Variants in CCDC102A observed in about 807,000 individuals in gnomAD.
CCDC102A encodes coiled-coil domain-containing protein 102A.
In CCDC102A, 40 loss-of-function variants were observed where a neutral mutation model predicts 55.5. That is an observed-to-expected ratio of 0.72 (90% CI 0.56 to 0.94). CCDC102A has a LOEUF of 0.94. CCDC102A is among the 40% of genes least tolerant of loss of function. The pLI is 0.00. For synonymous variants in CCDC102A, 323 were observed against 339.0 expected (o/e 0.95, Z 0.52); for missense variants, 779 against 768.6 (o/e 1.01, Z -0.16).
chr16:57,523,882 C>T (rs2032091348), intron 3 of CCDC102A, among the ~76,000 whole-genome samples: 1 of 152,186 alleles, frequency 6.6e-6, no homozygotes, highest in South Asian at 2.1e-4. Context: ...GAGTGTTCCA[C>T]TCTCAGAGAG....
intron 1 of CCDC102A, among the ~76,000 whole-genome samples, chr16:57,531,235 C>T (rs563465638): frequency 1.8e-4 from 27 of 152,064 alleles, no homozygotes; most frequent in African/African-American, 5.8e-4. Context: ...CCATTCCCCC[C>T]GTGACCAGCT....
rs1276675689 is a variant in CCDC102A, at chr16:57,512,525, C to T, written c.*216G>A. On this transcript the variant is annotated 3_prime_UTR_variant, in exon 9 of 9. Coordinates refer to ENST00000258214, the MANE Select transcript of CCDC102A (RefSeq NM_033212.4). The stretch of plus-strand genomic sequence containing the variant: ...AGACTTCTGGGTGTGCGCGCGCGCG[C>T]GCGCGTGTGTGTATATATATATATA... 2.3e-5 allele frequency: 11 copies of T among 484,302 alleles called. No homozygotes were observed. Among genetic ancestry groups the T allele is most frequent in the Middle Eastern group, 1.1e-3 (2 of 1,884 alleles). The allele number at this position is 484,302 out of a possible 1,614,324, so 30.0% of individuals were successfully genotyped here.
At position 57,512,836 on chromosome 16, in the gene CCDC102A, C is replaced by G. The variant is rs568309798; in HGVS notation, c.1558G>C (p.Gly520Arg). 6.2e-7 allele frequency: 1 copy of G among 1,614,040 alleles called. No homozygotes were observed. The highest frequency in any genetic ancestry group is 1.3e-5 in the African/African-American group (1 of 75,044). Residue 520 changes from glycine (G) to arginine (R), a missense_variant, in exon 9 of 9, where the codon GGG becomes CGG. Gly to Arg is a moderately radical substitution (Grantham distance 125). Transcript: ENST00000258214. Reference sequence around the variant, plus strand: ...CCAAAGCGAGCACTGCGGATCTTCCCGAAGAGGGGAGCGTTCTGCTGCTGC... The same window carrying G: ...CCAAAGCGAGCACTGCGGATCTTCCGGAAGAGGGGAGCGTTCTGCTGCTGC... ...RRQQQNAPLF[G>R]KIRSARFGTE...
rs561622795 is a variant in CCDC102A at position 57,514,915 on chromosome 16, A to T, written c.1523+426T>A. On this transcript the variant is annotated intron_variant, in intron 8 of 8. Coordinates refer to ENST00000258214, the MANE Select transcript of CCDC102A (RefSeq NM_033212.4). ...GCTGGGTGGGGCCTGTTGGCAGTGG[A>T]CGGGATCCAGGCCTGGGGCCCCTCC... Among the ~76,000 whole-genome samples, 8 of 152,032 alleles carry T rather than the reference A, an allele frequency of 5.3e-5. No homozygotes were observed. In the East Asian group the frequency reaches 7.8e-4, roughly 15 times the overall value.
chr16:57,512,227 G>T lies in CCDC102A; in HGVS notation c.*514C>A. On this transcript the variant is annotated 3_prime_UTR_variant, in exon 9 of 9. Coordinates refer to ENST00000258214, the MANE Select transcript of CCDC102A (RefSeq NM_033212.4). Reference sequence around the variant, plus strand: ...AGTTACTTGACATTCCTGAGCTCTGGTTCAGCGTCAGGTGCAGGCCGATGC... The same window carrying T: ...AGTTACTTGACATTCCTGAGCTCTGTTTCAGCGTCAGGTGCAGGCCGATGC... 1 of 393,392 alleles carries T rather than the reference G, an allele frequency of 2.5e-6. No individual in the cohort carries two copies. The highest frequency in any genetic ancestry group is 4.5e-6 in the Non-Finnish European group (1 of 223,534). 24.4% of individuals were successfully genotyped at this position (393,392 alleles called of 1,614,324 possible). A position where few individuals can be genotyped will look rare whatever the true frequency, so the allele number is the denominator to read the frequency against.
chr16:57,532,792 T>A (rs540519367), intron 1 of CCDC102A, among the ~76,000 whole-genome samples: 3 of 151,442 alleles, frequency 2.0e-5, no homozygotes, highest in African/African-American at 7.3e-5. Context: ...GAGAAGCTCT[T>A]GGAAAAGAAA....
In CCDC102A at chr16:57,529,333, G is replaced by A; in HGVS notation, c.-147-9C>T. On this transcript the variant is annotated splice_polypyrimidine_tract_variant and intron_variant, in intron 1 of 8. Transcript: ENST00000258214. The surrounding 1 kb of genome is among the most constrained non-coding windows in gnomAD (Gnocchi z 4.1). ...AGGACGCCTCCTCGGACCTACGGGA[G>A]AACACAACCGTTATTGGACTGCGAC... 1 of 1,044,960 alleles carries A rather than the reference G, an allele frequency of 9.6e-7. No individual in the cohort carries two copies. The highest frequency in any genetic ancestry group is 1.2e-6 in the Non-Finnish European group (1 of 848,840). The allele number at this position is 1,044,960 out of a possible 1,614,324, so 64.7% of individuals were successfully genotyped here. A position where few individuals can be genotyped will look rare whatever the true frequency, so the allele number is the denominator to read the frequency against.
chr16:57,513,715 G>A (rs1394972970), intron 8 of CCDC102A, among the ~76,000 whole-genome samples: 1 of 152,214 alleles, frequency 6.6e-6, no homozygotes, highest in East Asian at 1.9e-4. Context: ...AAGGGTGTGT[G>A]CTGCAGGGTC....
intron 8 of CCDC102A, among the ~76,000 whole-genome samples, chr16:57,514,110 T>C (rs977045991): frequency 6.6e-6 from 1 of 152,144 alleles, no homozygotes; most frequent in Admixed American, 6.5e-5. Context: ...GTAACCCAAA[T>C]ATAAGCCCCT....
Position 57,518,146 on chromosome 16 carries a change from GGCCAGC to G in CCDC102A, c.1164_1169del (p.Leu389_Ala390del), listed in dbSNP as rs2031988437. 2 of 1,611,126 alleles carry G rather than the reference GGCCAGC, an allele frequency of 1.2e-6. No homozygotes were observed. Among genetic ancestry groups the G allele is most frequent in the African/African-American group, 2.7e-5 (2 of 74,928 alleles). On this transcript the variant is annotated inframe_deletion, in exon 6 of 9. Transcript: ENST00000258214. ...CGCTGGCTGTTTGCCGCCGCCGCCG[GGCCAGC>G]GCCTCCTCCAGGTCTCCGACCTGTG...
intron 3 of CCDC102A, among the ~76,000 whole-genome samples, chr16:57,524,603 A>G: frequency 7.6e-6 from 1 of 132,130 alleles, no homozygotes; most frequent in African/African-American, 3.0e-5. Flanking sequence ...ATATAGAGAG[A>G]GAGACAGGGT....
At chr16:57,532,357 G>A (rs1194390637) in intron 1 of CCDC102A, among the ~76,000 whole-genome samples, 2 of 152,142 alleles carry the variant, frequency 1.3e-5, no homozygotes, top group African/African-American at 2.4e-5. Flanking sequence ...ACAGATCCAG[G>A]CTCTGGTTCC....
At chr16:57,533,587 C>T (rs1328278259) in intron 1 of CCDC102A, among the ~76,000 whole-genome samples, 1 of 151,724 alleles carries the variant, frequency 6.6e-6, no homozygotes, top group African/African-American at 2.4e-5. Context: ...CAGTAACGCG[C>T]ACACTCACAC....
At chr16:57,522,044 C>A (rs970306871) in intron 3 of CCDC102A, among the ~76,000 whole-genome samples, 1 of 152,248 alleles carries the variant, frequency 6.6e-6, no homozygotes, top group East Asian at 1.9e-4. Flanking sequence ...CCCTGGGCGT[C>A]CTGCCCATCA....
At chr16:57,526,173 G>A (rs1439201512) in intron 2 of CCDC102A, 46 bp from the exon 3 acceptor site, 13 of 1,419,148 alleles carry the variant, frequency 9.2e-6, no homozygotes, top group South Asian at 7.7e-5. Context: ...GCCAAGCCAG[G>A]CCCTGGGTCT....
In CCDC102A at chr16:57,512,664, G is replaced by A; in HGVS notation, c.*77C>T. ...TGGTCCCAGAGTGAGCCTAGGCACTGCATCAGTTTGAGTGGCTGGTTAGCC... is the reference window on the plus strand; with the variant it reads ...TGGTCCCAGAGTGAGCCTAGGCACTACATCAGTTTGAGTGGCTGGTTAGCC... On this transcript the variant is annotated 3_prime_UTR_variant, in exon 9 of 9. Transcript: ENST00000258214. 1 of 1,536,346 alleles carries A rather than the reference G, an allele frequency of 6.5e-7. No individual in the cohort carries two copies. Among genetic ancestry groups the A allele is most frequent in the South Asian group, 1.3e-5 (1 of 79,936 alleles).
chr16:57,522,068 A>C (rs980380728), intron 3 of CCDC102A, among the ~76,000 whole-genome samples: 1 of 152,238 alleles, frequency 6.6e-6, no homozygotes, highest in East Asian at 1.9e-4. Context: ...TGCATCCTGC[A>C]TCCTACTGAA....
At chr16:57,531,125 C>A (rs2032251954) in intron 1 of CCDC102A, among the ~76,000 whole-genome samples, 1 of 152,064 alleles carries the variant, frequency 6.6e-6, no homozygotes, top group Non-Finnish European at 1.5e-5. Flanking sequence ...AACTCCAAGT[C>A]CCTCTCCAGC....
At chr16:57,536,826 T>C (rs1434401902), upstream of CCDC102A, among the ~76,000 whole-genome samples, 1 of 152,112 alleles carries the variant, frequency 6.6e-6, no homozygotes, top group Non-Finnish European at 1.5e-5. Flanking sequence ...GGCCGAGAGT[T>C]GCGGGGGGGC....
Sources: allele counts gnomAD v4.1 joint callset (sites outside exome capture counted in the v4.1 genomes callset), GRCh38; gene constraint gnomAD v4.1.1; non-coding constraint Gnocchi (gnomAD v3.1); transcripts MANE v1.5; gene names NCBI Gene and HGNC (gene_info 2026-07-23, HGNC 2026-07-21).